RPS6KA6: variants seen among roughly 807,000 people sequenced by gnomAD.
RPS6KA6 encodes the protein ribosomal protein S6 kinase alpha-6.
A neutral mutation model predicts 65.4 loss-of-function variants in RPS6KA6; 27 were observed. That is an observed-to-expected ratio of 0.41 (90% CI 0.30 to 0.57). The LOEUF (loss-of-function observed/expected upper bound fraction) is 0.57. RPS6KA6 is among the 20% of genes least tolerant of loss of function. The pLI, the probability that RPS6KA6 is intolerant of heterozygous loss-of-function variation, is 0.24. For missense variants in RPS6KA6, 486 were observed against 555.6 expected, an observed-to-expected ratio of 0.87 and a Z score of 1.26; for synonymous variants, 190 against 184.2, an observed-to-expected ratio of 1.03 and a Z score of -0.26.
rs193173908 is a variant in RPS6KA6, at chrX:84,171,807, T to A, written c.82-7420A>T. Among the ~76,000 whole-genome samples, 639 of 111,161 alleles carry A rather than the reference T, an allele frequency of 5.7e-3. 3 individuals are homozygous for A. The highest frequency in any genetic ancestry group is 0.019 in the African/African-American group (593 of 30,586). On this transcript the variant is annotated intron_variant, in intron 1 of 21. Coordinates refer to ENST00000262752, the MANE Select transcript of RPS6KA6 (RefSeq NM_014496.5). ...TTTAAGCTCCACATGCATTAGGTAT[T>A]TGTCCGAATACTCTCCCCGCCCTTT...
intron 20 of RPS6KA6, among the ~76,000 whole-genome samples, chrX:84,081,296 A>T (rs2033793933): frequency 8.9e-6 from 1 of 112,033 alleles, no homozygotes; most frequent in Non-Finnish European, 1.9e-5. Context: ...ATAATCATTG[A>T]TCTCACAGAA....
At position 84,105,813 on chromosome X, in the gene RPS6KA6, G is replaced by A; in HGVS notation, c.1429C>T (p.His477Tyr). 1 of 1,164,141 alleles carries A rather than the reference G, an allele frequency of 8.6e-7. No individual in the cohort carries two copies. Among genetic ancestry groups the A allele is most frequent in the South Asian group, 1.9e-5 (1 of 52,438 alleles). The stretch of plus-strand genomic sequence containing the variant: ...TCCTTCAAAGTAATAATGTTGGGAT[G>A]TTGTCCATAGCGCATCAATATTTCA... ...EIEILMRYGQ[H>Y]PNIITLKDVF... The change falls in exon 16 of 22, where the codon CAT becomes TAT. Residue 477 changes from histidine to tyrosine, a missense_variant. By Grantham distance (83) the His-to-Tyr change is moderately conservative (BLOSUM62 2). Coordinates refer to ENST00000262752, the MANE Select transcript of RPS6KA6 (RefSeq NM_014496.5).
intron 20 of RPS6KA6, among the ~76,000 whole-genome samples, chrX:84,067,983 G>T (rs986942595): frequency 8.9e-6 from 1 of 111,814 alleles, no homozygotes; most frequent in East Asian, 2.8e-4. Flanking sequence ...TTAAAGAAAA[G>T]AATTTTCAAC....
rs758951712 is a variant in RPS6KA6, at chrX:84,123,616, A to G, written c.647-3589T>C. Among the ~76,000 whole-genome samples the G allele has an allele frequency of 2.7e-5, 3 of 111,903 alleles. No homozygotes were observed. In the Admixed American group the frequency reaches 2.8e-4, roughly 11 times the overall value. ...AGGCCCTTCTCCCTGTGGAGAGGGGAGGGAAGTGCAACAAAGATTCTGGAT... is the reference window on the plus strand; with the variant it reads ...AGGCCCTTCTCCCTGTGGAGAGGGGGGGGAAGTGCAACAAAGATTCTGGAT... On this transcript the variant is annotated intron_variant, in intron 8 of 21. Transcript: ENST00000262752.
intron 20 of RPS6KA6, among the ~76,000 whole-genome samples, chrX:84,065,594 A>T (rs933783882): frequency 2.7e-5 from 3 of 112,050 alleles, no homozygotes; most frequent in African/African-American, 9.7e-5. Context: ...CAATGTTAGC[A>T]AGTGGCTTCT....
At chrX:84,138,730 C>T (rs1240072015) in intron 6 of RPS6KA6, among the ~76,000 whole-genome samples, 1 of 110,523 alleles carries the variant, frequency 9.0e-6, no homozygotes. Flanking sequence ...ATCAGCCATT[C>T]ATTCTACCAC....
At chrX:84,093,974 C>T (rs1019826140) in intron 20 of RPS6KA6, among the ~76,000 whole-genome samples, 1 of 111,199 alleles carries the variant, frequency 9.0e-6, no homozygotes, top group African/African-American at 3.3e-5. Context: ...ACTCCCGTTA[C>T]TCCTAACACA....
In RPS6KA6 at chrX:84,060,578, C is replaced by T. The variant is rs1395062355; in HGVS notation, c.*3699G>A. The T allele has an allele frequency of 1.8e-5, 2 of 110,131 alleles. No homozygotes were observed. Among genetic ancestry groups the T allele is most frequent in the Non-Finnish European group, 1.9e-5 (1 of 52,694 alleles). 9.1% of individuals were successfully genotyped at this position (110,131 alleles called of 1,213,427 possible). ...TAAAAACAACATATACAGAAATAAT[C>T]GCCAATCTCTGTCTACCTCCACATC... On this transcript the variant is annotated 3_prime_UTR_variant, in exon 22 of 22. Transcript: ENST00000262752.
rs146998437 is a variant in RPS6KA6, at chrX:84,119,824, A to G, written c.789+61T>C. On this transcript the variant is annotated intron_variant, in intron 9 of 21. Coordinates refer to ENST00000262752, the MANE Select transcript of RPS6KA6 (RefSeq NM_014496.5). ...GCTAAATCCCAAAATTTGAATTAAA[A>G]TAAAATTATAAGTAATATCAATCAC... 3.1e-3 allele frequency: 2,992 copies of G among 961,624 alleles called. 34 individuals are homozygous for G. The African/African-American group carries it at 0.035, about 11-fold the overall frequency. The allele number at this position is 961,624 out of a possible 1,213,427, so 79.2% of individuals were successfully genotyped here.
At chrX:84,157,806 T>C (rs1374028543) in intron 2 of RPS6KA6, among the ~76,000 whole-genome samples, 1 of 111,088 alleles carries the variant, frequency 9.0e-6, no homozygotes, top group African/African-American at 3.3e-5. Context: ...AATTGTACTA[T>C]AGTTAGTTTC....
intron 20 of RPS6KA6, among the ~76,000 whole-genome samples, chrX:84,079,851 T>A (rs2033752345): frequency 1.8e-5 from 2 of 111,878 alleles, no homozygotes; most frequent in African/African-American, 3.3e-5. Flanking sequence ...TAAAACTCCA[T>A]CTCCCTGGGA....
intron 21 of RPS6KA6, 120 bp downstream of exon 21, chrX:84,064,851 T>C: frequency 1.9e-6 from 1 of 533,874 alleles, no homozygotes; most frequent in Non-Finnish European, 2.9e-6. Flanking sequence ...TTTAAAAAAA[T>C]CTATCTTTAA....
chrX:84,141,191 A>C (rs749041312), intron 6 of RPS6KA6, among the ~76,000 whole-genome samples: 5 of 111,440 alleles, frequency 4.5e-5, no homozygotes, highest in Non-Finnish European at 7.5e-5. Flanking sequence ...GAAGTACAAA[A>C]TAAGGCACAG....
At chrX:84,136,206 C>A (rs2034989073) in intron 6 of RPS6KA6, among the ~76,000 whole-genome samples, 1 of 111,112 alleles carries the variant, frequency 9.0e-6, no homozygotes, top group African/African-American at 3.3e-5. Context: ...TCCGGATTGG[C>A]AAAATCAAAT....
At chrX:84,150,845 G>A (rs2035289798) in intron 3 of RPS6KA6, among the ~76,000 whole-genome samples, 1 of 93,488 alleles carries the variant, frequency 1.1e-5, no homozygotes, top group African/African-American at 3.8e-5. Context: ...GATATATATA[G>A]GATATATATA....
chrX:84,155,418 T>C (rs2147581808), intron 3 of RPS6KA6, among the ~76,000 whole-genome samples: 1 of 111,560 alleles, frequency 9.0e-6, no homozygotes, highest in South Asian at 3.7e-4. Context: ...TTTCATGTAT[T>C]AGATGTTAGG....
At chrX:84,112,123 A>G (rs2034481331) in intron 12 of RPS6KA6, among the ~76,000 whole-genome samples, 1 of 112,076 alleles carries the variant, frequency 8.9e-6, no homozygotes, top group Non-Finnish European at 1.9e-5. Context: ...CAATTAAACC[A>G]AAAGATTTAA....
At chrX:84,072,542 A>G (rs1167889727) in intron 20 of RPS6KA6, among the ~76,000 whole-genome samples, 1 of 111,658 alleles carries the variant, frequency 9.0e-6, no homozygotes, top group East Asian at 2.8e-4. Flanking sequence ...TAGTTCTGGA[A>G]GTCCTAGCCA....
intron 7 of RPS6KA6, 101 bp from the exon 8 acceptor site, chrX:84,134,920 T>C: frequency 1.5e-6 from 1 of 646,675 alleles, no homozygotes. Flanking sequence ...ATCTATTTAA[T>C]ATATGTAAAA....
Sources: allele counts gnomAD v4.1 joint callset (sites outside exome capture counted in the v4.1 genomes callset), GRCh38; gene constraint gnomAD v4.1.1; transcripts MANE v1.5; gene names NCBI Gene and HGNC (gene_info 2026-07-23, HGNC 2026-07-21).